Variants in ARMC3 observed in about 807,000 individuals in gnomAD.
The protein encoded by ARMC3 is armadillo repeat-containing protein 3.
In ARMC3, 74 loss-of-function variants were observed where a neutral mutation model predicts 90.3. The ratio of observed to expected loss-of-function variants is 0.82; its 90% CI spans 0.68 to 0.99. ARMC3 has a LOEUF of 0.99. ARMC3 is among the 50% of genes least tolerant of loss of function. The probability of loss-of-function intolerance (pLI) is 0.00; values close to 1 mark genes in which losing one functional copy is unlikely to be tolerated. For synonymous variants in ARMC3, 334 were observed against 361.8 expected (o/e 0.92, Z 0.87); for missense variants, 958 against 1,042.8 (o/e 0.92, Z 1.12).
At chr10:22,999,986 C>T (rs1255101826) in intron 11 of ARMC3, among the ~76,000 whole-genome samples, 4 of 152,156 alleles carry the variant, frequency 2.6e-5, no homozygotes, top group Non-Finnish European at 5.9e-5. Context: ...TGCAGGGAAG[C>T]CCACCTAGTT....
At chr10:22,997,265 C>T (rs558136307) in intron 10 of ARMC3, 1 of 152,300 alleles carries the variant, frequency 6.6e-6, no homozygotes, top group Non-Finnish European at 1.5e-5. Flanking sequence ...GTCTGGAGCC[C>T]TTCCACCCTG....
At chr10:22,941,465 TTAA>T (rs1834325491) in intron 2 of ARMC3, among the ~76,000 whole-genome samples, 1 of 152,130 alleles carries the variant, frequency 6.6e-6, no homozygotes, top group Non-Finnish European at 1.5e-5. Context: ...GAAGAGATTA[TTAA>T]TAATATAAAG....
At chr10:22,981,891 T>C (rs1440482050) in intron 10 of ARMC3, among the ~76,000 whole-genome samples, 191 bp downstream of exon 10, 1 of 152,204 alleles carries the variant, frequency 6.6e-6, no homozygotes, top group African/African-American at 2.4e-5. Context: ...TATTACAAAA[T>C]CTTTACTGTT....
At chr10:22,966,792 A>C (rs913119073) in intron 7 of ARMC3, among the ~76,000 whole-genome samples, 1 of 152,182 alleles carries the variant, frequency 6.6e-6, no homozygotes, top group African/African-American at 2.4e-5. Context: ...ACTGTCAAAC[A>C]CTTATAAAAC....
intron 14 of ARMC3, 48 bp from the exon 15 acceptor site, chr10:23,008,228 G>C: frequency 1.0e-6 from 1 of 990,598 alleles, no homozygotes; most frequent in South Asian, 1.8e-5. Context: ...ACCATCTGTT[G>C]ACAAATAATT....
At chr10:23,012,185 T>C (rs915151653) in intron 16 of ARMC3, among the ~76,000 whole-genome samples, 2 of 152,230 alleles carry the variant, frequency 1.3e-5, no homozygotes, top group Non-Finnish European at 2.9e-5. Flanking sequence ...TCATTTTGTG[T>C]ACTTGTGAAT....
At chr10:23,034,912 C>T (rs1435561681) in intron 18 of ARMC3, among the ~76,000 whole-genome samples, 3 of 152,182 alleles carry the variant, frequency 2.0e-5, no homozygotes, top group East Asian at 1.9e-4. Flanking sequence ...TCAAACCTCC[C>T]CTGATTCCAG....
chr10:22,971,025 T>A (rs1835659102), intron 8 of ARMC3, among the ~76,000 whole-genome samples: 1 of 152,200 alleles, frequency 6.6e-6, no homozygotes, highest in South Asian at 2.1e-4. Context: ...ACTAAAAGTA[T>A]ACCAATTAAA....
At chr10:22,974,024 C>T (rs1835807033) in intron 8 of ARMC3, among the ~76,000 whole-genome samples, 1 of 152,120 alleles carries the variant, frequency 6.6e-6, no homozygotes, top group Non-Finnish European at 1.5e-5. Flanking sequence ...TCCCAGAGTG[C>T]TGGGATTACA....
rs1215208998 is a variant in ARMC3, at chr10:22,981,628, A to G, written c.1103A>G (p.Asp368Gly). The G allele has an allele frequency of 6.2e-7, 1 of 1,614,162 alleles. No homozygotes were observed. The highest frequency in any genetic ancestry group is 8.5e-7 in the Non-Finnish European group (1 of 1,180,004). Residue 368 changes from aspartate (D) to glycine (G), a missense_variant, in exon 10 of 19, where the codon GAC (aspartate) becomes GGC (glycine). Physicochemically the swap from Asp to Gly is moderately conservative, Grantham distance 94. Coordinates refer to ENST00000298032, the MANE Select transcript of ARMC3 (RefSeq NM_173081.5). ...IPQLIQLLKS[D>G]NEEVREAAAL... ...CAGTTAATTCAGTTGCTAAAAAGTG[A>G]CAATGAAGAGGTACGGGAAGCAGCA... is the stretch of plus-strand genomic sequence containing the variant.
chr10:22,953,369 T>C (rs1834806459), intron 3 of ARMC3, among the ~76,000 whole-genome samples: 3 of 152,196 alleles, frequency 2.0e-5, no homozygotes, highest in African/African-American at 7.2e-5. Flanking sequence ...ACCACTAGAT[T>C]TGTTATTACA....
chr10:22,939,985 T>G (rs1347447608), intron 2 of ARMC3, among the ~76,000 whole-genome samples: 3 of 152,194 alleles, frequency 2.0e-5, no homozygotes, highest in African/African-American at 4.8e-5. Flanking sequence ...AAAAAGTGAT[T>G]GTCCAACTGA....
chr10:22,929,414 G>A (rs1435658349), intron 1 of ARMC3, among the ~76,000 whole-genome samples: 2 of 152,178 alleles, frequency 1.3e-5, no homozygotes, highest in Admixed American at 1.3e-4. Context: ...TTGTGCCCTT[G>A]TTTTCCAAAT....
chr10:23,001,470 C>T (rs1363556312), intron 11 of ARMC3, among the ~76,000 whole-genome samples: 1 of 152,204 alleles, frequency 6.6e-6, no homozygotes, highest in African/African-American at 2.4e-5. Context: ...ACTGAACCCT[C>T]CTGGCTAATC....
At chr10:22,959,017 C>G in intron 4 of ARMC3, 53 bp from the exon 5 acceptor site, 1 of 1,427,268 alleles carries the variant, frequency 7.0e-7, no homozygotes, top group South Asian at 1.1e-5. Context: ...GCCACCACAC[C>G]CGGCCTATTA....
intron 17 of ARMC3, chr10:23,031,011 C>T (rs1317818945): frequency 2.1e-6 from 1 of 485,620 alleles, no homozygotes; most frequent in African/African-American, 1.9e-5. Context: ...GAAATTGCTT[C>T]AAGAAAAATG....
In ARMC3 at chr10:23,006,994, A is replaced by G; in HGVS notation, c.1829+13A>G. On this transcript the variant is annotated intron_variant, in intron 14 of 18. Transcript: ENST00000298032. The stretch of plus-strand genomic sequence containing the variant: ...GTAAATCTTACGTGTGAGTCTCTGC[A>G]GGGAGAGGGGATGAAGGGAAGCACA... 6.3e-7 allele frequency: 1 copy of G among 1,578,304 alleles called. No individual in the cohort carries two copies. Among genetic ancestry groups the G allele is most frequent in the South Asian group, 1.2e-5 (1 of 86,528 alleles).
At chr10:22,931,268 T>C (rs1276373821) in intron 1 of ARMC3, among the ~76,000 whole-genome samples, 2 of 152,214 alleles carry the variant, frequency 1.3e-5, no homozygotes, top group African/African-American at 2.4e-5. Context: ...CTCTGTGGTA[T>C]GTTAACTATG....
At chr10:22,928,522 A>C (rs1833802172) in intron 1 of ARMC3, among the ~76,000 whole-genome samples, 1 of 152,226 alleles carries the variant, frequency 6.6e-6, no homozygotes, top group Non-Finnish European at 1.5e-5. Context: ...CGTGAAAAAA[A>C]AAATGGCTCC....
Sources: gnomAD v4.1 joint callset for allele counts (sites outside exome capture counted in the v4.1 genomes callset) on GRCh38, gnomAD v4.1.1 for gene constraint, MANE v1.5 for transcripts, NCBI Gene and HGNC (gene_info 2026-07-23, HGNC 2026-07-21) for gene names.